TSC22D3: variants seen among roughly 807,000 people sequenced by gnomAD.
The protein encoded by TSC22D3 is TSC22 domain family protein 3.
TSC22D3 carries 4 observed loss-of-function variants against 11.1 expected under a neutral mutation model. That is an observed-to-expected ratio of 0.36 (90% CI 0.18 to 0.83). The LOEUF (loss-of-function observed/expected upper bound fraction) is 0.83, where lower values mean the gene tolerates loss of function less well. Among genes scored for constraint, TSC22D3 ranks in the 40% least tolerant of loss-of-function variants. The pLI is 0.48. For synonymous variants in TSC22D3, 77 were observed against 70.3 expected (o/e 1.10, Z -0.48); for missense variants, 118 against 159.4 (o/e 0.74, Z 1.40).
chrX:107,716,829 A>G (rs1927071755), intron 1 of TSC22D3: 1 of 1,208,337 alleles, frequency 8.3e-7, no homozygotes, highest in Non-Finnish European at 1.1e-6. Flanking sequence ...GCTGCTAGGA[A>G]GCTCTGGCCG....
rs1386087367 is a variant in TSC22D3 at position 107,760,575 on chromosome X, C to T, written c.320+14525G>A. Among the ~76,000 whole-genome samples, 9 of 112,169 alleles carry T rather than the reference C, an allele frequency of 8.0e-5. No homozygotes were observed. The East Asian group carries it at 1.1e-3, about 14-fold the overall frequency. On this transcript the variant is annotated intron_variant, in intron 1 of 2. Transcript: ENST00000372383. ...TGAGAAAACTCCTACCAGTTCTGAG[C>T]CTCTGTGTCTCCATCTAAGATGCAC...
chrX:107,768,259 C>T lies in TSC22D3; in HGVS notation c.320+6841G>A, dbSNP rs73636318. Among the ~76,000 whole-genome samples, 851 of 112,062 alleles carry T rather than the reference C, an allele frequency of 7.6e-3. 6 individuals carry two copies. Among genetic ancestry groups the T allele is most frequent in the African/African-American group, 0.026 (815 of 30,857 alleles). On this transcript the variant is annotated intron_variant, in intron 1 of 2. Transcript: ENST00000372383. ...AAGAACTCTGCAGGGTTCCATCACC[C>T]GGGATGCCTAGAGGTCTTGGCAGTC...
chrX:107,765,505 T>C (rs1352764651), intron 1 of TSC22D3, among the ~76,000 whole-genome samples: 1 of 111,808 alleles, frequency 8.9e-6, no homozygotes, highest in Non-Finnish European at 1.9e-5. Flanking sequence ...AAATCCTCAG[T>C]CGGTACTCAA....
At chrX:107,723,390 C>T (rs1308599409) in intron 1 of TSC22D3, among the ~76,000 whole-genome samples, 1 of 112,472 alleles carries the variant, frequency 8.9e-6, no homozygotes, top group Non-Finnish European at 1.9e-5. Context: ...AGCATGGGCT[C>T]ACCTCTCCGT....
intron 1 of TSC22D3, among the ~76,000 whole-genome samples, chrX:107,724,943 G>A (rs907109239): frequency 8.9e-6 from 1 of 112,142 alleles, no homozygotes; most frequent in African/African-American, 3.2e-5. Flanking sequence ...CTTGAGGACA[G>A]TTCTAACTAG....
chrX:107,724,149 C>T (rs1447563973), intron 1 of TSC22D3, among the ~76,000 whole-genome samples: 1 of 112,875 alleles, frequency 8.9e-6, no homozygotes, highest in Non-Finnish European at 1.9e-5. Context: ...CAAAGGGCCT[C>T]TGGCTCTCCA....
At chrX:107,764,146 C>A (rs768437798) in intron 1 of TSC22D3, among the ~76,000 whole-genome samples, 5 of 112,473 alleles carry the variant, frequency 4.4e-5, no homozygotes, top group Non-Finnish European at 9.4e-5. Flanking sequence ...TATTCCTTTT[C>A]TCTCTTGGCA....
intron 1 of TSC22D3, among the ~76,000 whole-genome samples, chrX:107,758,426 T>G (rs938063762): frequency 9.0e-6 from 1 of 111,681 alleles, no homozygotes; most frequent in African/African-American, 3.3e-5. Flanking sequence ...GGAATTTTAA[T>G]GCAGTGAAAT....
rs1344722803 is a variant in TSC22D3 at position 107,714,645 on chromosome X, C to T, written c.477G>A (p.Glu159=). 1.5e-5 allele frequency: 18 copies of T among 1,209,840 alleles called. No homozygotes were observed. Among genetic ancestry groups the T allele is most frequent in the Middle Eastern group, 2.3e-4 (1 of 4,374 alleles). Residue 159 remains glutamate, a synonymous_variant, in exon 3 of 3, where the codon GAG becomes GAA. Coordinates refer to ENST00000372383, the MANE Select transcript of TSC22D3 (RefSeq NM_198057.3). The part of the protein sequence containing the change: ...LVEKNSQLER[E]NTLLKTLASP... Reference sequence around the variant, plus strand: ...TTGCCAGGGTCTTCAACAGGGTGTTCTCACGCTCTAGCTGGGAGTTCTTCT... The same window carrying T: ...TTGCCAGGGTCTTCAACAGGGTGTTTTCACGCTCTAGCTGGGAGTTCTTCT...
At chrX:107,736,481 C>T (rs1000457746) in intron 1 of TSC22D3, among the ~76,000 whole-genome samples, 6 of 111,632 alleles carry the variant, frequency 5.4e-5, no homozygotes, top group African/African-American at 2.0e-4. Flanking sequence ...TCATTCCTAA[C>T]GTCTGCATTT....
chrX:107,763,023 A>T (rs917367538), intron 1 of TSC22D3, among the ~76,000 whole-genome samples: 2 of 108,144 alleles, frequency 1.8e-5, no homozygotes, highest in African/African-American at 3.4e-5. Flanking sequence ...CACCCAGCTA[A>T]TTTTTGTATT....
intron 1 of TSC22D3, among the ~76,000 whole-genome samples, chrX:107,750,516 C>T (rs771022841): frequency 1.8e-5 from 2 of 111,413 alleles, no homozygotes; most frequent in East Asian, 5.7e-4. Context: ...AACTGCAGAC[C>T]CAGCATCACA....
At chrX:107,750,139 G>A (rs1018950068) in intron 1 of TSC22D3, among the ~76,000 whole-genome samples, 3 of 111,798 alleles carry the variant, frequency 2.7e-5, no homozygotes, top group Non-Finnish European at 5.6e-5. Context: ...TCCAGCCTGG[G>A]CAACATAGCA....
chrX:107,771,975 CG>C (rs1303082856), intron 1 of TSC22D3, among the ~76,000 whole-genome samples: 1 of 112,491 alleles, frequency 8.9e-6, no homozygotes, highest in Non-Finnish European at 1.9e-5. Flanking sequence ...CAAGGGACCA[CG>C]TCAATATTTA....
intron 2 of TSC22D3, among the ~76,000 whole-genome samples, chrX:107,715,251 T>C (rs1375599384): frequency 8.9e-6 from 1 of 112,263 alleles, no homozygotes; most frequent in Non-Finnish European, 1.9e-5. Flanking sequence ...GCACATTGAA[T>C]TGCAGCTGTC....
intron 2 of TSC22D3, among the ~76,000 whole-genome samples, chrX:107,715,150 A>C (rs1019847906): frequency 8.9e-6 from 1 of 111,905 alleles, no homozygotes; most frequent in African/African-American, 3.3e-5. Context: ...GTAGACCTGC[A>C]ATGCATCCCA....
chrX:107,766,470 C>T (rs1670431974), intron 1 of TSC22D3, among the ~76,000 whole-genome samples: 1 of 87,724 alleles, frequency 1.1e-5, no homozygotes, highest in Admixed American at 1.3e-4. Context: ...CCCAACAACT[C>T]CCCCCACCCC....
At chrX:107,726,908 C>A (rs1288512781) in intron 1 of TSC22D3, among the ~76,000 whole-genome samples, 2 of 111,852 alleles carry the variant, frequency 1.8e-5, no homozygotes, top group African/African-American at 6.5e-5. Context: ...GTTCTGACAT[C>A]CTGTTATTTG....
chrX:107,734,706 G>A (rs1283970283), intron 1 of TSC22D3, among the ~76,000 whole-genome samples: 1 of 110,223 alleles, frequency 9.1e-6, no homozygotes, highest in African/African-American at 3.3e-5. Flanking sequence ...TGAGGGAAGA[G>A]GGAAGTGGCA....
Sources: gnomAD v4.1 joint callset for allele counts (sites outside exome capture counted in the v4.1 genomes callset) on GRCh38, gnomAD v4.1.1 for gene constraint, MANE v1.5 for transcripts, NCBI Gene and HGNC (gene_info 2026-07-23, HGNC 2026-07-21) for gene names.